UNC5C: variants seen among roughly 807,000 people sequenced by gnomAD.
UNC5C encodes unc-5 netrin receptor C, also known as netrin receptor UNC5C.
In UNC5C, 47 loss-of-function variants were observed where a neutral mutation model predicts 99.8. The ratio of observed to expected loss-of-function variants is 0.47; its 90% confidence interval spans 0.37 to 0.60. The LOEUF (loss-of-function observed/expected upper bound fraction) is 0.60, where lower values mean the gene tolerates loss of function less well. UNC5C is among the 20% of genes least tolerant of loss of function. The pLI is 0.00. For missense variants in UNC5C, 1,062 were observed against 1,165.9 expected (o/e 0.91, Z 1.30); for synonymous variants, 487 against 452.2 (o/e 1.08, Z -0.98).
At chr4:95,451,824 G>A (rs265051) in intron 1 of UNC5C, among the ~76,000 whole-genome samples, 52,225 of 151,958 alleles carry the variant, frequency 0.34, 9,383 homozygotes, top group African/African-American at 0.42. Context: ...AATTATCAAT[G>A]TAACTATTTC....
intron 1 of UNC5C, among the ~76,000 whole-genome samples, chr4:95,485,717 G>A (rs967140020): frequency 6.6e-6 from 1 of 151,674 alleles, no homozygotes; most frequent in African/African-American, 2.4e-5. Flanking sequence ...AAGATAAGTT[G>A]TTTTGATCAA....
intron 1 of UNC5C, among the ~76,000 whole-genome samples, chr4:95,380,516 G>A (rs1307044901): frequency 6.7e-6 from 1 of 148,378 alleles, no homozygotes; most frequent in Non-Finnish European, 1.5e-5. Flanking sequence ...CTGGCCTCAA[G>A]CCATCCTGCC....
At chr4:95,195,902 CAA>C (rs397973178) in intron 12 of UNC5C, among the ~76,000 whole-genome samples, 19 of 135,480 alleles carry the variant, frequency 1.4e-4, no homozygotes, top group African/African-American at 3.2e-4. Flanking sequence ...ATGAGTCCAT[CAA>C]AAAAAAAAAA....
At chr4:95,424,036 ACT>A (rs1476834411) in intron 1 of UNC5C, among the ~76,000 whole-genome samples, 1 of 152,148 alleles carries the variant, frequency 6.6e-6, no homozygotes, top group African/African-American at 2.4e-5. Context: ...ATATTATTAA[ACT>A]CTAAATAAAA....
rs34351357 is a variant in UNC5C, at chr4:95,177,874, CT to C, written c.2451+5022del. ...GCACCATCACACTGGGCTAATTTGC[CT>C]TTTTTTTTTTTAAGAGATGATGGGG... is the stretch of plus-strand genomic sequence containing the variant. On this transcript the variant is annotated intron_variant, in intron 14 of 15. Transcript: ENST00000453304. Among the ~76,000 whole-genome samples, 89 of 146,732 alleles carry C rather than the reference CT, an allele frequency of 6.1e-4. 1 individual carries two copies. The East Asian group carries it at 9.7e-3, about 16-fold the overall frequency.
chr4:95,537,506 T>C (rs968362471), intron 1 of UNC5C, among the ~76,000 whole-genome samples: 4 of 152,214 alleles, frequency 2.6e-5, no homozygotes, highest in Admixed American at 2.0e-4. Context: ...GCTTCATAGT[T>C]GCAGAACACT....
At chr4:95,510,963 C>T (rs1722055386) in intron 1 of UNC5C, among the ~76,000 whole-genome samples, 1 of 152,118 alleles carries the variant, frequency 6.6e-6, no homozygotes, top group African/African-American at 2.4e-5. Context: ...TCCCCATTAG[C>T]TAGTGCCCTG....
At chr4:95,393,672 G>A (rs1309650830) in intron 1 of UNC5C, among the ~76,000 whole-genome samples, 1 of 152,078 alleles carries the variant, frequency 6.6e-6, no homozygotes, top group East Asian at 1.9e-4. Flanking sequence ...ACAGATATGA[G>A]TGTTATTTTA....
intron 12 of UNC5C, among the ~76,000 whole-genome samples, chr4:95,191,665 C>T (rs893453927): frequency 6.6e-6 from 1 of 151,002 alleles, no homozygotes; most frequent in Non-Finnish European, 1.5e-5. Context: ...TTCGCCGCCT[C>T]CTCTGTTCAC....
At chr4:95,469,054 A>G (rs528101343) in intron 1 of UNC5C, among the ~76,000 whole-genome samples, 1 of 152,248 alleles carries the variant, frequency 6.6e-6, no homozygotes, top group South Asian at 2.1e-4. Flanking sequence ...AGTTCCAGTC[A>G]TAACCCTGAC....
chr4:95,409,363 C>G (rs1025909993), intron 1 of UNC5C, among the ~76,000 whole-genome samples: 6 of 152,178 alleles, frequency 3.9e-5, no homozygotes, highest in African/African-American at 1.4e-4. Flanking sequence ...AGACATCAAA[C>G]AGTTCAAGGG....
chr4:95,180,062 C>T (rs931221473), intron 14 of UNC5C, among the ~76,000 whole-genome samples: 2 of 152,084 alleles, frequency 1.3e-5, no homozygotes, highest in Non-Finnish European at 2.9e-5. Flanking sequence ...ATCCTTATGG[C>T]ATCAGTGGCA....
chr4:95,270,596 A>T (rs368342670), intron 4 of UNC5C, among the ~76,000 whole-genome samples: 1 of 152,226 alleles, frequency 6.6e-6, no homozygotes, highest in Non-Finnish European at 1.5e-5. Flanking sequence ...AGGGTTGAAC[A>T]TACATAGGCC....
At chr4:95,451,467 A>G (rs1428839220) in intron 1 of UNC5C, among the ~76,000 whole-genome samples, 1 of 152,244 alleles carries the variant, frequency 6.6e-6, no homozygotes, top group Non-Finnish European at 1.5e-5. Context: ...TATCTTAACC[A>G]TAAGTCAATA....
chr4:95,476,432 C>T (rs575952521), intron 1 of UNC5C, among the ~76,000 whole-genome samples: 19 of 152,008 alleles, frequency 1.2e-4, no homozygotes, highest in African/African-American at 4.6e-4. Flanking sequence ...TTTTTTTCTC[C>T]CCAGAAGGTG....
chr4:95,541,256 G>C (rs1722911332), intron 1 of UNC5C, among the ~76,000 whole-genome samples: 1 of 152,140 alleles, frequency 6.6e-6, no homozygotes, highest in South Asian at 2.1e-4. Context: ...ATGGAGCTCT[G>C]AGTAGCGTGA....
chr4:95,345,512 T>C (rs779469483), intron 1 of UNC5C, among the ~76,000 whole-genome samples: 20 of 152,026 alleles, frequency 1.3e-4, no homozygotes, highest in Non-Finnish European at 2.4e-4. Context: ...ATGGACCTGA[T>C]AGATATCTAC....
At chr4:95,366,714 G>A (rs1438222561) in intron 1 of UNC5C, among the ~76,000 whole-genome samples, 1 of 152,170 alleles carries the variant, frequency 6.6e-6, no homozygotes, top group East Asian at 1.9e-4. Context: ...GAGGTCTTCT[G>A]ATTAAGTCCA....
intron 1 of UNC5C, among the ~76,000 whole-genome samples, chr4:95,452,202 G>C (rs1265948722): frequency 1.3e-5 from 2 of 152,008 alleles, no homozygotes; most frequent in Non-Finnish European, 2.9e-5. Context: ...AATGAATATG[G>C]TGTAACAATT....
Sources: allele counts gnomAD v4.1 joint callset (sites outside exome capture counted in the v4.1 genomes callset), GRCh38; gene constraint gnomAD v4.1.1; transcripts MANE v1.5; gene names NCBI Gene and HGNC (gene_info 2026-07-23, HGNC 2026-07-21).